HS6ST3: variants seen among roughly 807,000 people sequenced by gnomAD.
HS6ST3 encodes the protein heparan sulfate 6-O-sulfotransferase 3.
HS6ST3 carries 12 observed loss-of-function variants against 36.7 expected under a neutral mutation model. The ratio of observed to expected loss-of-function variants is 0.33; its 90% CI spans 0.21 to 0.53. The LOEUF is 0.53. Among genes scored for constraint, HS6ST3 ranks in the 20% least tolerant of loss-of-function variants. The pLI, the probability that HS6ST3 is intolerant of heterozygous loss-of-function variation, is 0.95. For synonymous variants in HS6ST3, 240 were observed against 257.5 expected (o/e 0.93, Z 0.65); for missense variants, 584 against 640.9 (o/e 0.91, Z 0.96).
At chr13:96,429,980 T>C (rs2055606906) in intron 1 of HS6ST3, among the ~76,000 whole-genome samples, 1 of 152,202 alleles carries the variant, frequency 6.6e-6, no homozygotes, top group Non-Finnish European at 1.5e-5. Context: ...CAGAAAGGCA[T>C]GATAAAATAT....
chr13:96,831,126 C>T (rs1174490115), intron 1 of HS6ST3, among the ~76,000 whole-genome samples: 1 of 152,192 alleles, frequency 6.6e-6, no homozygotes, highest in Non-Finnish European at 1.5e-5. Context: ...CCTGCTGTTT[C>T]TCTTTCATTT....
intron 1 of HS6ST3, among the ~76,000 whole-genome samples, chr13:96,414,861 A>G (rs2055525324): frequency 6.6e-6 from 1 of 152,190 alleles, no homozygotes; most frequent in African/African-American, 2.4e-5. Context: ...CATTTTGTAC[A>G]AAATTGACTG....
chr13:96,097,398 T>C (rs1157772115), intron 1 of HS6ST3, among the ~76,000 whole-genome samples: 2 of 152,194 alleles, frequency 1.3e-5, no homozygotes, highest in East Asian at 1.9e-4. Flanking sequence ...AACAGTTTAA[T>C]TGAGACCGGC....
At chr13:96,788,962 T>C (rs891903255) in intron 1 of HS6ST3, among the ~76,000 whole-genome samples, 6 of 151,882 alleles carry the variant, frequency 4.0e-5, no homozygotes, top group Admixed American at 3.3e-4. Flanking sequence ...TTGGATCTTG[T>C]ATTCTGTCAA....
rs867312418 is a variant in HS6ST3 at position 96,568,536 on chromosome 13, C to T, written c.708-263954C>T. Among the ~76,000 whole-genome samples, 10 of 152,228 alleles carry T rather than the reference C, an allele frequency of 6.6e-5. No homozygotes were observed. In the South Asian group the frequency reaches 1.5e-3, roughly 22 times the overall value. The stretch of plus-strand genomic sequence containing the variant: ...CCTCCCAAAGTGCTGGGATTACAGG[C>T]GTGAGCCACCACGCCTGGCCAGCTC... On this transcript the variant is annotated intron_variant, in intron 1 of 1. Coordinates refer to ENST00000376705, the MANE Select transcript of HS6ST3 (RefSeq NM_153456.4).
At chr13:96,751,080 A>G (rs1476775976) in intron 1 of HS6ST3, among the ~76,000 whole-genome samples, 1 of 152,126 alleles carries the variant, frequency 6.6e-6, no homozygotes, top group African/African-American at 2.4e-5. Flanking sequence ...CCCTCATCAT[A>G]TGTTTTGAAT....
chr13:96,600,406 T>C (rs1179217002), intron 1 of HS6ST3, among the ~76,000 whole-genome samples: 1 of 151,966 alleles, frequency 6.6e-6, no homozygotes, highest in African/African-American at 2.4e-5. Context: ...GAATTGATCC[T>C]TTATTATTAT....
At chr13:96,349,766 G>T (rs905682592) in intron 1 of HS6ST3, among the ~76,000 whole-genome samples, 1 of 152,172 alleles carries the variant, frequency 6.6e-6, no homozygotes, top group African/African-American at 2.4e-5. Flanking sequence ...AAATATGATT[G>T]AATTGTTAAT....
chr13:96,718,884 G>A (rs1875772717), intron 1 of HS6ST3, among the ~76,000 whole-genome samples: 1 of 152,156 alleles, frequency 6.6e-6, no homozygotes, highest in Non-Finnish European at 1.5e-5. Context: ...AAAAGCTTTA[G>A]TAAAGGTGTA....
chr13:96,610,286 G>A (rs2056453088), intron 1 of HS6ST3, among the ~76,000 whole-genome samples: 1 of 152,174 alleles, frequency 6.6e-6, no homozygotes, highest in Admixed American at 6.5e-5. Flanking sequence ...GGCAGAGTTT[G>A]TGTTCAATAA....
chr13:96,637,866 G>T (rs2056555349), intron 1 of HS6ST3, among the ~76,000 whole-genome samples: 2 of 152,016 alleles, frequency 1.3e-5, no homozygotes, highest in Admixed American at 6.6e-5. Flanking sequence ...TGTTTCCGTG[G>T]TGCCTGAGAA....
At chr13:96,292,085 A>G (rs181831886) in intron 1 of HS6ST3, among the ~76,000 whole-genome samples, 94 of 152,230 alleles carry the variant, frequency 6.2e-4, no homozygotes, top group Middle Eastern at 6.8e-3. Flanking sequence ...TATAATTCCC[A>G]TATCATGGGA....
chr13:96,177,864 C>A (rs2054219940), intron 1 of HS6ST3, among the ~76,000 whole-genome samples: 1 of 152,128 alleles, frequency 6.6e-6, no homozygotes, highest in South Asian at 2.1e-4. Context: ...ACTTATCAAC[C>A]AGTCATAATG....
At chr13:96,296,267 A>G (rs1191763686) in intron 1 of HS6ST3, among the ~76,000 whole-genome samples, 1 of 152,142 alleles carries the variant, frequency 6.6e-6, no homozygotes, top group Non-Finnish European at 1.5e-5. Context: ...CTACACTTGT[A>G]AAAGGATTTC....
intron 1 of HS6ST3, among the ~76,000 whole-genome samples, chr13:96,713,258 A>C (rs1481232868): frequency 2.0e-5 from 3 of 152,206 alleles, no homozygotes; most frequent in Non-Finnish European, 4.4e-5. Context: ...AAAACCATTG[A>C]TTGCCATTGA....
chr13:96,646,178 T>C (rs1017097424), intron 1 of HS6ST3, among the ~76,000 whole-genome samples: 2 of 151,984 alleles, frequency 1.3e-5, no homozygotes, highest in Non-Finnish European at 1.5e-5. Flanking sequence ...TGAATTGGCG[T>C]TTGCGGTGAC....
At chr13:96,363,662 A>C (rs1275711416) in intron 1 of HS6ST3, among the ~76,000 whole-genome samples, 2 of 152,140 alleles carry the variant, frequency 1.3e-5, no homozygotes, top group Admixed American at 1.3e-4. Flanking sequence ...TTAGACCATC[A>C]CCACAAAACA....
intron 1 of HS6ST3, among the ~76,000 whole-genome samples, chr13:96,780,012 G>C (rs964273899): frequency 6.6e-6 from 1 of 152,182 alleles, no homozygotes; most frequent in Non-Finnish European, 1.5e-5. Context: ...CTAGGACAAG[G>C]TAATTAGAAA....
Position 96,439,880 on chromosome 13 carries a change from G to A in HS6ST3, c.707+348311G>A, listed in dbSNP as rs74336284. ...TGATAAACTCAAGTCAGGCAGTCTG[G>A]GTAATTTTGGGTAGTCACTGGTCAA... is the stretch of plus-strand genomic sequence containing the variant. On this transcript the variant is annotated intron_variant, in intron 1 of 1. Transcript: ENST00000376705. Among the ~76,000 whole-genome samples the A allele has an allele frequency of 2.3e-3, 356 of 152,268 alleles. 1 individual carries two copies. Among genetic ancestry groups the A allele is most frequent in the African/African-American group, 8.1e-3 (336 of 41,558 alleles).
Sources: gnomAD v4.1 joint callset for allele counts (sites outside exome capture counted in the v4.1 genomes callset) on GRCh38, gnomAD v4.1.1 for gene constraint, MANE v1.5 for transcripts, NCBI Gene and HGNC (gene_info 2026-07-23, HGNC 2026-07-21) for gene names.